Variants in SLC8A1 observed in about 807,000 individuals in gnomAD.
SLC8A1 encodes solute carrier family 8 member A1.
A neutral mutation model predicts 68.3 loss-of-function variants in SLC8A1; 18 were observed. The ratio of observed to expected loss-of-function variants is 0.26; its 90% CI spans 0.18 to 0.39. The LOEUF (loss-of-function observed/expected upper bound fraction) is 0.39. Ranked by LOEUF, SLC8A1 falls within the 10% of genes least tolerant of loss-of-function variation. The pLI, the probability that SLC8A1 is intolerant of heterozygous loss-of-function variation, is 1.00. For synonymous variants in SLC8A1, 475 were observed against 415.5 expected (o/e 1.14, Z -1.74); for missense variants, 985 against 1,156.7 (o/e 0.85, Z 2.15).
intron 2 of SLC8A1, among the ~76,000 whole-genome samples, chr2:40,245,962 G>A (rs1038763266): frequency 6.6e-6 from 1 of 152,174 alleles, no homozygotes; most frequent in Non-Finnish European, 1.5e-5. Context: ...ATAAGAAGCT[G>A]AGCTAGGACC....
chr2:40,360,457 C>A (rs1004517775), intron 2 of SLC8A1, among the ~76,000 whole-genome samples: 1 of 152,148 alleles, frequency 6.6e-6, no homozygotes, highest in South Asian at 2.1e-4. Flanking sequence ...TTATCTGTGA[C>A]AGGTGGTTAT....
intron 6 of SLC8A1, 140 bp downstream of exon 9, chr2:40,160,625 A>G (rs1457461304): frequency 5.7e-6 from 4 of 706,186 alleles, no homozygotes; most frequent in Non-Finnish European, 1.0e-5. Context: ...ATGTGCATAC[A>G]TTAACAAATA....
At chr2:40,446,385 G>A (rs1444538943) in intron 1 of SLC8A1, 3 of 152,212 alleles carry the variant, frequency 2.0e-5, no homozygotes, top group Non-Finnish European at 4.4e-5. Flanking sequence ...AAAGGGTCTA[G>A]AAACTGCCCT....
At chr2:40,397,669 C>G (rs986764646) in intron 2 of SLC8A1, among the ~76,000 whole-genome samples, 3 of 152,172 alleles carry the variant, frequency 2.0e-5, no homozygotes, top group Non-Finnish European at 2.9e-5. Flanking sequence ...TGACAATACT[C>G]AGGCCCTACC....
chr2:40,101,901 G>A (rs2033914094), exon 8 of SLC8A1: 1 of 152,096 alleles, frequency 6.6e-6, no homozygotes, highest in Admixed American at 6.6e-5. Flanking sequence ...TAATTTGCAT[G>A]TCTAACAAAT....
chr2:40,295,872 C>T (rs1005071618), intron 2 of SLC8A1, among the ~76,000 whole-genome samples: 3 of 152,076 alleles, frequency 2.0e-5, no homozygotes, highest in African/African-American at 7.2e-5. Context: ...AGGCCAAAAT[C>T]GCCCTTTCTG....
chr2:40,502,388 A>C (rs888702401), intron 1 of SLC8A1, among the ~76,000 whole-genome samples: 3 of 151,974 alleles, frequency 2.0e-5, no homozygotes, highest in African/African-American at 7.2e-5. Flanking sequence ...TTTCATTAAT[A>C]AATTATTTGA....
chr2:40,160,628 A>G, intron 6 of SLC8A1, 137 bp downstream of exon 9: 1 of 717,408 alleles, frequency 1.4e-6, no homozygotes, highest in Non-Finnish European at 2.5e-6. Flanking sequence ...TGCATACATT[A>G]ACAAATAAAC....
chr2:40,214,042 G>C (rs563889436), intron 2 of SLC8A1, among the ~76,000 whole-genome samples: 94 of 152,292 alleles, frequency 6.2e-4, no homozygotes, highest in African/African-American at 2.1e-3. Context: ...TGGTAGAAAT[G>C]ATGACTGTGT....
intron 1 of SLC8A1, among the ~76,000 whole-genome samples, chr2:40,484,625 T>A (rs1466503517): frequency 6.6e-6 from 1 of 152,244 alleles, no homozygotes; most frequent in Non-Finnish European, 1.5e-5. Flanking sequence ...TGGGGAACAG[T>A]GTTTGACCTA....
chr2:40,293,388 C>G (rs2069703876), intron 2 of SLC8A1, among the ~76,000 whole-genome samples: 1 of 152,076 alleles, frequency 6.6e-6, no homozygotes, highest in Admixed American at 6.6e-5. Context: ...AGCCATAACT[C>G]TGGATTGTAA....
At chr2:40,325,205 A>G (rs2075671031) in intron 2 of SLC8A1, among the ~76,000 whole-genome samples, 1 of 152,150 alleles carries the variant, frequency 6.6e-6, no homozygotes, top group African/African-American at 2.4e-5. Context: ...TTTCCTTGTG[A>G]GGCTTCAGAT....
intron 1 of SLC8A1, among the ~76,000 whole-genome samples, chr2:40,430,723 T>A (rs1317358069): frequency 6.6e-6 from 1 of 152,194 alleles, no homozygotes; most frequent in African/African-American, 2.4e-5. Context: ...CAGATTTTCT[T>A]CTAAATTTGT....
upstream of SLC8A1, among the ~76,000 whole-genome samples, chr2:40,454,310 T>G (rs1702860749): frequency 6.6e-6 from 1 of 152,156 alleles, no homozygotes; most frequent in South Asian, 2.1e-4. Flanking sequence ...TGGGCCATAT[T>G]TCACTGGAAT....
intron 2 of SLC8A1, among the ~76,000 whole-genome samples, chr2:40,326,005 GAA>G (rs1333538921): frequency 6.6e-6 from 1 of 151,986 alleles, no homozygotes; most frequent in Non-Finnish European, 1.5e-5. Flanking sequence ...CGCCCACAGG[GAA>G]AGTCAGCAAC....
intron 2 of SLC8A1, among the ~76,000 whole-genome samples, chr2:40,410,157 A>C (rs1195415141): frequency 6.6e-6 from 1 of 152,168 alleles, no homozygotes; most frequent in Non-Finnish European, 1.5e-5. Context: ...TTGAAGTTTT[A>C]GACAATAAAT....
At chr2:40,334,058 A>C (rs995453599) in intron 2 of SLC8A1, among the ~76,000 whole-genome samples, 2 of 152,148 alleles carry the variant, frequency 1.3e-5, no homozygotes, top group African/African-American at 4.8e-5. Context: ...AAAAACAACA[A>C]CAACAAAAAA....
At chr2:40,283,202 G>C (rs1056879725) in intron 2 of SLC8A1, among the ~76,000 whole-genome samples, 1 of 152,192 alleles carries the variant, frequency 6.6e-6, no homozygotes, top group African/African-American at 2.4e-5. Flanking sequence ...TCTAATGAGA[G>C]GTAGAGGATG....
At chr2:40,461,564 T>G (rs1026123829) in intron 1 of SLC8A1, among the ~76,000 whole-genome samples, 1 of 152,196 alleles carries the variant, frequency 6.6e-6, no homozygotes, top group Admixed American at 6.5e-5. Context: ...ACATTTAAAT[T>G]TACTGTGAGT....
Sources: allele counts gnomAD v4.1 joint callset (sites outside exome capture counted in the v4.1 genomes callset), GRCh38; gene constraint gnomAD v4.1.1; transcripts MANE v1.5; gene names NCBI Gene and HGNC (gene_info 2026-07-23, HGNC 2026-07-21).